NUP153: variants seen among roughly 807,000 people sequenced by gnomAD.
The protein encoded by NUP153 is nucleoporin 153, also known as nuclear pore complex protein Nup153.
A neutral mutation model predicts 134.6 loss-of-function variants in NUP153; 27 were observed. That is an observed-to-expected ratio of 0.20 (90% CI 0.15 to 0.28). The LOEUF (loss-of-function observed/expected upper bound fraction) is 0.28, where lower values mean the gene tolerates loss of function less well. Ranked by LOEUF, NUP153 falls within the 10% of genes least tolerant of loss-of-function variation. NUP153 has a pLI of 1.00. For synonymous variants in NUP153, 640 were observed against 623.5 expected (o/e 1.03, Z -0.40); for missense variants, 1,821 against 1,731.3 (o/e 1.05, Z -0.92).
intron 1 of NUP153, among the ~76,000 whole-genome samples, chr6:17,704,823 G>A (rs1770372672): frequency 6.6e-6 from 1 of 151,056 alleles, no homozygotes; most frequent in African/African-American, 2.4e-5. Context: ...GCAGGGGCAA[G>A]ATCTCTGCTC....
Position 17,658,230 on chromosome 6 carries a change from C to T in NUP153, c.1395+3423G>A, listed in dbSNP as rs117297819. ...TGGTCAAGATGGTGAAACCCTGTCT[C>T]GCTAAAAATACAAAAAATTAGCTGG... is the stretch of plus-strand genomic sequence containing the variant. On this transcript the variant is annotated intron_variant, in intron 11 of 21. Transcript: ENST00000262077. Among the ~76,000 whole-genome samples, 610 of 152,174 alleles carry T rather than the reference C, an allele frequency of 4.0e-3. 20 individuals are homozygous for T. The East Asian group carries it at 0.077, about 19-fold the overall frequency.
rs111950827 is a variant in NUP153, at chr6:17,641,251, T to C, written c.1721-1187A>G. On this transcript the variant is annotated intron_variant, in intron 14 of 21. Coordinates refer to ENST00000262077, the MANE Select transcript of NUP153 (RefSeq NM_005124.4). The stretch of plus-strand genomic sequence containing the variant: ...ACAAAAGAAACAATAAGAAACAAGA[T>C]GCGGCCAGGCACGGGGGCCCGTGCC... 8.6e-5 allele frequency among the ~76,000 whole-genome samples: 13 copies of C among 152,026 alleles called. 1 individual carries two copies. Among genetic ancestry groups the C allele is most frequent in the African/African-American group, 3.1e-4 (13 of 41,494 alleles).
intron 14 of NUP153, among the ~76,000 whole-genome samples, chr6:17,642,466 T>C (rs1250545675): frequency 6.6e-6 from 1 of 152,192 alleles, no homozygotes; most frequent in Non-Finnish European, 1.5e-5. Flanking sequence ...AAATGCAACA[T>C]CATTTGCATT....
At chr6:17,634,765 A>C (rs545912762) in intron 16 of NUP153, among the ~76,000 whole-genome samples, 4 of 152,260 alleles carry the variant, frequency 2.6e-5, no homozygotes, top group African/African-American at 9.6e-5. Context: ...TGTTGACTTC[A>C]GCAGCTTGAA....
intron 2 of NUP153, among the ~76,000 whole-genome samples, chr6:17,679,181 G>A (rs757979701): frequency 2.6e-5 from 4 of 152,068 alleles, no homozygotes; most frequent in African/African-American, 9.7e-5. Flanking sequence ...AGCTGTTAGA[G>A]CAAATTTAGC....
chr6:17,699,242 A>G (rs560437677), intron 1 of NUP153, among the ~76,000 whole-genome samples: 1 of 151,868 alleles, frequency 6.6e-6, no homozygotes, highest in East Asian at 1.9e-4. Flanking sequence ...CAAGCCTGTA[A>G]TCCCAACACT....
chr6:17,629,765 T>C (rs573288298), intron 17 of NUP153, among the ~76,000 whole-genome samples: 1 of 152,364 alleles, frequency 6.6e-6, no homozygotes, highest in South Asian at 2.1e-4. Context: ...TTTTCATTTA[T>C]CAGACTGGCT....
Position 17,669,046 on chromosome 6 carries a change from C to T in NUP153, c.1015-18G>A, listed in dbSNP as rs1228371014. On this transcript the variant is annotated intron_variant, in intron 7 of 21. Transcript: ENST00000262077. ...TCAAGAGGCTGAAAAAAAAAAAAAA[C>T]ACTATTAGAATAGATGGGGAGTTAT... The T allele has an allele frequency of 8.1e-7, 1 of 1,236,568 alleles. No homozygotes were observed. The highest frequency in any genetic ancestry group is 1.6e-5 in the African/African-American group (1 of 61,226). 76.6% of individuals were successfully genotyped at this position (1,236,568 alleles called of 1,614,324 possible).
In NUP153 at chr6:17,629,104, G is replaced by A. The variant is rs867667481; in HGVS notation, c.3095C>T (p.Thr1032Ile). The A allele has an allele frequency of 1.2e-6, 2 of 1,614,192 alleles. No homozygotes were observed. The highest frequency in any genetic ancestry group is 2.2e-5 in the East Asian group (1 of 44,890). Residue 1032 changes from threonine to isoleucine, a missense_variant, in exon 18 of 22, where the codon ACC (threonine) becomes ATC (isoleucine). Transcript: ENST00000262077. ...FSFGTGVINS[T>I]PAPANTIVTS... The stretch of plus-strand genomic sequence containing the variant: ...CACTATGGTGTTAGCAGGAGCAGGG[G>A]TGGAGTTAATAACACCTGTACCAAA...
rs1768195062 is a variant in NUP153, at chr6:17,675,847, A to G, written c.335-77T>C. 3 of 1,364,842 alleles carry G rather than the reference A, an allele frequency of 2.2e-6. No individual in the cohort carries two copies. The highest frequency in any genetic ancestry group is 3.1e-6 in the Non-Finnish European group (3 of 957,378). 84.5% of individuals were successfully genotyped at this position (1,364,842 alleles called of 1,614,324 possible). A position where few individuals can be genotyped will look rare whatever the true frequency, so the allele number is the denominator to read the frequency against. On this transcript the variant is annotated intron_variant, in intron 2 of 21. Transcript: ENST00000262077. This position sits in a 1 kb window ranked among gnomAD's most constrained non-coding sequence, Gnocchi z 4.4. ...ACCACAAATGGTTTTTACTTTAAGA[A>G]AACACATTACAGTATATAATAGCTT...
intron 11 of NUP153, among the ~76,000 whole-genome samples, chr6:17,657,918 T>TA (rs1451020610): frequency 6.6e-6 from 1 of 152,256 alleles, no homozygotes; most frequent in Non-Finnish European, 1.5e-5. Context: ...GCTGATGACT[T>TA]ACTACTTGCT....
rs374756705 is a variant in NUP153, at chr6:17,651,348, T to C, written c.1396-2048A>G. On this transcript the variant is annotated intron_variant, in intron 11 of 21. Transcript: ENST00000262077. ...AAAAACAGAATTATAATAATAAATA[T>C]TAAATAATTAAATAATAAATATTCC... Among the ~76,000 whole-genome samples the C allele has an allele frequency of 2.0e-5, 3 of 151,826 alleles. No homozygotes were observed. The East Asian group carries it at 5.8e-4, about 29-fold the overall frequency.
At chr6:17,635,601 C>T (rs972297604) in intron 16 of NUP153, among the ~76,000 whole-genome samples, 6 of 152,146 alleles carry the variant, frequency 3.9e-5, no homozygotes, top group African/African-American at 1.4e-4. Context: ...AGTGCTTCAC[C>T]ATGCTGCTCG....
intron 14 of NUP153, among the ~76,000 whole-genome samples, chr6:17,645,408 T>A (rs945036870): frequency 6.6e-6 from 1 of 151,714 alleles, no homozygotes; most frequent in Non-Finnish European, 1.5e-5. Flanking sequence ...ATCCTCCCAC[T>A]TCAGCATCCC....
intron 11 of NUP153, among the ~76,000 whole-genome samples, chr6:17,653,879 A>AT (rs1766651363): frequency 1.3e-5 from 2 of 152,226 alleles, no homozygotes. Flanking sequence ...ACATTTCACT[A>AT]TATGTCAATT....
Position 17,674,867 on chromosome 6 carries a change from G to GA in NUP153, c.852+37dup, listed in dbSNP as rs537171178. On this transcript the variant is annotated intron_variant, in intron 5 of 21. Coordinates refer to ENST00000262077, the MANE Select transcript of NUP153 (RefSeq NM_005124.4). ...TATCCAGTTAAAGTGTAAAAAAAAA[G>GA]AAAAAAAAAGATCATCAACCCTTCT... is the stretch of plus-strand genomic sequence containing the variant. The GA allele has an allele frequency of 7.6e-4, 1,079 of 1,422,628 alleles. 2 individuals carry two copies. The highest frequency in any genetic ancestry group is 4.8e-3 in the South Asian group (305 of 64,104). 88.1% of individuals were successfully genotyped at this position (1,422,628 alleles called of 1,614,324 possible).
intron 20 of NUP153, among the ~76,000 whole-genome samples, chr6:17,618,777 A>T (rs188405383): frequency 5.0e-4 from 76 of 152,270 alleles, no homozygotes; most frequent in Non-Finnish European, 7.8e-4. Context: ...CGTGTTAGCC[A>T]GGATGGTCTC....
rs141481884 is a variant in NUP153, at chr6:17,641,365, T to A, written c.1721-1301A>T. Among the ~76,000 whole-genome samples the A allele has an allele frequency of 5.7e-3, 866 of 151,818 alleles. 3 individuals are homozygous for A. Among genetic ancestry groups the A allele is most frequent in the African/African-American group, 0.019 (802 of 41,374 alleles). On this transcript the variant is annotated intron_variant, in intron 14 of 21. Transcript: ENST00000262077. ...TCCCGGCCAACATAGTGAAACCCCA[T>A]CTCCACTAAAAATACAAAAAGTAGC...
chr6:17,638,798 C>A lies in NUP153; in HGVS notation c.1847-1028G>T, dbSNP rs1765690232. On this transcript the variant is annotated intron_variant, in intron 15 of 21. Transcript: ENST00000262077. The surrounding 1 kb of genome is among the most constrained non-coding windows in gnomAD (Gnocchi z 4.0). ...CAGACTATACACATTTGAGGCTTGC[C>A]TACTACTTGGTTAATTCCAGCACAA... is the stretch of plus-strand genomic sequence containing the variant. Among the ~76,000 whole-genome samples the A allele has an allele frequency of 1.3e-5, 2 of 152,110 alleles. No homozygotes were observed. Among genetic ancestry groups the A allele is most frequent in the Admixed American group, 6.5e-5 (1 of 15,270 alleles).
Sources: gnomAD v4.1 joint callset for allele counts (sites outside exome capture counted in the v4.1 genomes callset) on GRCh38, gnomAD v4.1.1 for gene constraint, Gnocchi (gnomAD v3.1) non-coding constraint, MANE v1.5 for transcripts, NCBI Gene and HGNC (gene_info 2026-07-23, HGNC 2026-07-21) for gene names.